The following NAT1 variants were observed in gnomAD, a reference collection of about 807,000 sequenced individuals.
The protein encoded by NAT1 is arylamine N-acetyltransferase 1.
For synonymous variants in NAT1, 144 were observed against 122.6 expected (o/e 1.17, Z -1.16); for missense variants, 400 against 339.2 (o/e 1.18, Z -1.41).
In NAT1 at chr8:18,222,996, C is replaced by T; in HGVS notation, c.*76C>T. ...CAACTGACGACCTATCATGTATCTT[C>T]TGTACCCTTACCTTATTTTGAAGAA... On this transcript the variant is annotated 3_prime_UTR_variant, in exon 3 of 3. Transcript: ENST00000307719. The T allele has an allele frequency of 8.2e-7, 1 of 1,214,936 alleles. No individual in the cohort carries two copies. Among genetic ancestry groups the T allele is most frequent in the Non-Finnish European group, 1.1e-6 (1 of 913,670 alleles). The allele number at this position is 1,214,936 out of a possible 1,614,324, so 75.3% of individuals were successfully genotyped here. A position where few individuals can be genotyped will look rare whatever the true frequency, so the allele number is the denominator to read the frequency against.
chr8:18,222,781 A>T lies in NAT1; in HGVS notation c.734A>T (p.Asn245Ile). The stretch of plus-strand genomic sequence containing the variant: ...TTCACCCTCACCCATAGGAGATTCA[A>T]TTATAAGGACAATACAGATCTAATA... ...VGFTLTHRRF[N>I]YKDNTDLIEF... Residue 245 changes from asparagine (N) to isoleucine (I), a missense_variant, in exon 3 of 3, where the codon AAT becomes ATT. Coordinates refer to ENST00000307719, the MANE Select transcript of NAT1 (RefSeq NM_000662.8). 1 of 1,613,620 alleles carries T rather than the reference A, an allele frequency of 6.2e-7. No individual in the cohort carries two copies. Among genetic ancestry groups the T allele is most frequent in the Non-Finnish European group, 8.5e-7 (1 of 1,179,838 alleles).
intron 2 of NAT1, among the ~76,000 whole-genome samples, chr8:18,173,051 A>C (rs1802155508): frequency 6.6e-6 from 1 of 151,784 alleles, no homozygotes; most frequent in South Asian, 2.1e-4. Flanking sequence ...ATGGTGTTTT[A>C]TTGTCAGGCA....
chr8:18,211,089 G>A (rs2117334069), intron 1 of NAT1: 1 of 152,496 alleles, frequency 6.6e-6, no homozygotes, highest in African/African-American at 2.4e-5. Context: ...ACAGGCGTGA[G>A]CCACCACACT....
In NAT1 at chr8:18,219,383, T is replaced by A. The variant is rs149451185; in HGVS notation, c.-85-28T>A. 48 of 1,456,392 alleles carry A rather than the reference T, an allele frequency of 3.3e-5. No homozygotes were observed. In the African/African-American group the frequency reaches 6.5e-4, roughly 20 times the overall value. The allele number at this position is 1,456,392 out of a possible 1,614,324, so 90.2% of individuals were successfully genotyped here. ...TTTTCAAGGAAGTCATGTTATATAT[T>A]TCTGACTGTCTTTTCTCTTATTTCT... is the stretch of plus-strand genomic sequence containing the variant. On this transcript the variant is annotated intron_variant, in intron 1 of 2. Transcript: ENST00000307719.
At chr8:18,217,735 T>C (rs1420098034) in intron 1 of NAT1, among the ~76,000 whole-genome samples, 1 of 152,182 alleles carries the variant, frequency 6.6e-6, no homozygotes, top group African/African-American at 2.4e-5. Flanking sequence ...TGGGGACTAC[T>C]GGGTGCCTGG....
intron 1 of NAT1, among the ~76,000 whole-genome samples, chr8:18,218,939 T>G (rs1460574991): frequency 1.3e-5 from 2 of 152,178 alleles, no homozygotes; most frequent in Non-Finnish European, 2.9e-5. Context: ...TTCTTTTGAG[T>G]AGCATCATAC....
At chr8:18,220,411 C>A (rs1281624933) in intron 2 of NAT1, among the ~76,000 whole-genome samples, 2 of 152,092 alleles carry the variant, frequency 1.3e-5, no homozygotes, top group Non-Finnish European at 2.9e-5. Flanking sequence ...TCCCTTTGTA[C>A]AAGGTCATCC....
upstream of NAT1, among the ~76,000 whole-genome samples, chr8:18,207,347 G>C (rs1803767652): frequency 6.6e-6 from 1 of 152,058 alleles, no homozygotes; most frequent in African/African-American, 2.4e-5. Context: ...CATTGTCTTA[G>C]CTATCCAGGC....
At chr8:18,200,208 T>G (rs964850820) in intron 2 of NAT1, among the ~76,000 whole-genome samples, 1 of 152,190 alleles carries the variant, frequency 6.6e-6, no homozygotes, top group African/African-American at 2.4e-5. Flanking sequence ...CCCAAAGGAA[T>G]ATAAATTATT....
intron 2 of NAT1, among the ~76,000 whole-genome samples, chr8:18,186,607 T>C (rs1390320628): frequency 6.6e-6 from 1 of 152,198 alleles, no homozygotes; most frequent in Non-Finnish European, 1.5e-5. Context: ...TTATTGTATT[T>C]TTATTTTCCC....
intron 2 of NAT1, among the ~76,000 whole-genome samples, chr8:18,175,230 A>G (rs1275868816): frequency 1.3e-5 from 2 of 152,048 alleles, no homozygotes; most frequent in Non-Finnish European, 2.9e-5. Flanking sequence ...AATGTTAAAA[A>G]TCTATTCTTT....
intron 2 of NAT1, among the ~76,000 whole-genome samples, chr8:18,180,249 T>C (rs1035652670): frequency 1.3e-5 from 2 of 152,070 alleles, no homozygotes; most frequent in African/African-American, 4.8e-5. Context: ...TTAGGAAAAT[T>C]AGTGCTAGAG....
At chr8:18,200,493 A>G (rs1803415249) in intron 2 of NAT1, among the ~76,000 whole-genome samples, 1 of 152,146 alleles carries the variant, frequency 6.6e-6, no homozygotes, top group African/African-American at 2.4e-5. Flanking sequence ...TTGAGTACAC[A>G]TGGACACATA....
intron 1 of NAT1, among the ~76,000 whole-genome samples, chr8:18,210,904 A>G (rs1364599222): frequency 6.6e-6 from 1 of 152,134 alleles, no homozygotes; most frequent in Non-Finnish European, 1.5e-5. Flanking sequence ...CCTCCTGAGT[A>G]GCTGTGATTA....
chr8:18,216,968 G>A (rs915142647), intron 1 of NAT1: 44 of 1,550,746 alleles, frequency 2.8e-5, no homozygotes, highest in South Asian at 6.0e-5. Context: ...ATAGCCTACC[G>A]GTCTCTGATG....
intron 1 of NAT1, 84 bp from the exon 2 acceptor site, chr8:18,219,327 A>G (rs1387384083): frequency 3.3e-6 from 3 of 900,612 alleles, no homozygotes; most frequent in African/African-American, 3.4e-5. Context: ...GGAAATCTTC[A>G]TAATTTACGG....
chr8:18,178,205 G>C (rs1319935947), intron 2 of NAT1, among the ~76,000 whole-genome samples: 1 of 152,028 alleles, frequency 6.6e-6, no homozygotes, highest in Non-Finnish European at 1.5e-5. Flanking sequence ...TATGTTTCTA[G>C]GAACCTCTGT....
At chr8:18,178,955 A>G (rs1802398920) in intron 2 of NAT1, among the ~76,000 whole-genome samples, 1 of 152,156 alleles carries the variant, frequency 6.6e-6, no homozygotes, top group Non-Finnish European at 1.5e-5. Context: ...TCCAAACACT[A>G]CAAATCCTTC....
chr8:18,177,711 C>T (rs758435873), intron 2 of NAT1, among the ~76,000 whole-genome samples: 15 of 152,136 alleles, frequency 9.9e-5, no homozygotes, highest in Admixed American at 2.6e-4. Context: ...ATTTGCTCAT[C>T]ATTTTCCTTA....
Sources: allele counts gnomAD v4.1 joint callset (sites outside exome capture counted in the v4.1 genomes callset), GRCh38; gene constraint gnomAD v4.1.1; transcripts MANE v1.5; gene names NCBI Gene and HGNC (gene_info 2026-07-23, HGNC 2026-07-21).